RAP1GAP2: variants seen among roughly 807,000 people sequenced by gnomAD.
The protein encoded by RAP1GAP2 is RAP1 GTPase activating protein 2.
In RAP1GAP2, 27 loss-of-function variants were observed where a neutral mutation model predicts 95.0. The observed-to-expected ratio is 0.28, with a 90% CI of 0.21 to 0.39. The LOEUF is 0.39. RAP1GAP2 is among the 10% of genes least tolerant of loss of function. The pLI is 1.00. For synonymous variants in RAP1GAP2, 373 were observed against 380.9 expected (o/e 0.98, Z 0.24); for missense variants, 771 against 970.0 (o/e 0.79, Z 2.72).
In RAP1GAP2 at chr17:3,003,789, G is replaced by A. The variant is rs747452953; in HGVS notation, c.1201-1580G>A. 2.7e-4 allele frequency among the ~76,000 whole-genome samples: 41 copies of A among 152,304 alleles called. No homozygotes were observed. The highest frequency in any genetic ancestry group is 4.9e-4 in the Non-Finnish European group (33 of 68,032). ...TGACCCAGATGTCCCCAAGAGGGGG[G>A]AACAACAAAGGCCTGGCCGCCTGGT... On this transcript the variant is annotated intron_variant, in intron 14 of 24. Transcript: ENST00000254695. This position sits in a 1 kb window ranked among gnomAD's most constrained non-coding sequence, Gnocchi z 4.1.
chr17:2,830,929 C>T (rs2070801054), intron 2 of RAP1GAP2, among the ~76,000 whole-genome samples: 1 of 144,414 alleles, frequency 6.9e-6, no homozygotes, highest in South Asian at 2.3e-4. Context: ...CCTTTTCTTA[C>T]CTCCACTCCC....
In RAP1GAP2 at chr17:3,030,952, A is replaced by G. The variant is rs1055941723; in HGVS notation, c.2138A>G (p.Asn713Ser). ...DAKSRNSPRS[N>S]LKFRFDKLSH... ...AAAAGCAGAAACTCCCCGAGATCGA[A>G]CCTGAAATTCCGCTTTGACAAGCTC... is the stretch of plus-strand genomic sequence containing the variant. The change falls in exon 23 of 25, where the codon AAC (asparagine) becomes AGC (serine). Residue 713 changes from asparagine to serine, a missense_variant. Transcript: ENST00000254695. The G allele has an allele frequency of 1.9e-6, 3 of 1,611,398 alleles. No homozygotes were observed. The highest frequency in any genetic ancestry group is 1.7e-6 in the Non-Finnish European group (2 of 1,179,014).
At chr17:2,886,176 T>A (rs868150763) in intron 2 of RAP1GAP2, among the ~76,000 whole-genome samples, 7,580 of 141,498 alleles carry the variant, frequency 0.054, 290 homozygotes, top group African/African-American at 0.071. Context: ...TATATATTTT[T>A]TTTTTTTTTT....
intron 18 of RAP1GAP2, among the ~76,000 whole-genome samples, chr17:3,019,002 C>G (rs888478883): frequency 2.6e-5 from 4 of 152,156 alleles, no homozygotes; most frequent in African/African-American, 9.7e-5. Context: ...GTGGAACTTG[C>G]AGTGAGCCGA....
At chr17:2,832,206 AAAAAAAAAAG>A (rs1183364811) in intron 2 of RAP1GAP2, among the ~76,000 whole-genome samples, 1 of 148,710 alleles carries the variant, frequency 6.7e-6, no homozygotes, top group African/African-American at 2.5e-5. Flanking sequence ...TCTGTCTCCA[AAAAAAAAAAG>A]AAAACAAAAA....
intron 8 of RAP1GAP2, among the ~76,000 whole-genome samples, chr17:2,969,091 A>C (rs541939051): frequency 6.6e-6 from 1 of 152,176 alleles, no homozygotes; most frequent in East Asian, 1.9e-4. Flanking sequence ...AACACACATC[A>C]CTTGACATAT....
At chr17:3,013,941 GAGT>G (rs2046661850) in intron 17 of RAP1GAP2, among the ~76,000 whole-genome samples, 1 of 151,520 alleles carries the variant, frequency 6.6e-6, no homozygotes, top group Non-Finnish European at 1.5e-5. Flanking sequence ...TGTTACACAG[GAGT>G]TACTATTTCC....
intron 3 of RAP1GAP2, among the ~76,000 whole-genome samples, chr17:2,954,001 C>T (rs2151464085): frequency 6.6e-6 from 1 of 152,300 alleles, no homozygotes; most frequent in Admixed American, 6.5e-5. Context: ...TCCCCCATCC[C>T]CCTCAGCTTA....
At position 2,963,541 on chromosome 17, in the gene RAP1GAP2, T is replaced by C; in HGVS notation, c.279+79T>C. The C allele has an allele frequency of 1.3e-6, 2 of 1,575,370 alleles. No homozygotes were observed. Among genetic ancestry groups the C allele is most frequent in the African/African-American group, 2.7e-5 (2 of 74,282 alleles). On this transcript the variant is annotated intron_variant, in intron 6 of 24. Transcript: ENST00000254695. This position sits in a 1 kb window ranked among gnomAD's most constrained non-coding sequence, Gnocchi z 4.8. Reference sequence around the variant, plus strand: ...CCCTGGGGAAATGATGGCGATGGCCTGTGCCCAGCCCCCCAGGGGAGAGAA... The same window carrying C: ...CCCTGGGGAAATGATGGCGATGGCCCGTGCCCAGCCCCCCAGGGGAGAGAA...
chr17:2,798,131 A>G (rs1300316699), intron 1 of RAP1GAP2, among the ~76,000 whole-genome samples: 1 of 152,204 alleles, frequency 6.6e-6, no homozygotes, highest in Non-Finnish European at 1.5e-5. Flanking sequence ...CAGAATTCCA[A>G]GTTCTTCTCT....
intron 2 of RAP1GAP2, among the ~76,000 whole-genome samples, chr17:2,818,093 C>A (rs1389126591): frequency 6.6e-6 from 1 of 151,902 alleles, no homozygotes; most frequent in Non-Finnish European, 1.5e-5. Flanking sequence ...TCCTCGGCCT[C>A]CTAAAGTGCT....
At position 2,825,066 on chromosome 17, in the gene RAP1GAP2, G is replaced by T. The variant is rs1371739681; in HGVS notation, c.80+24516G>T. Among the ~76,000 whole-genome samples the T allele has an allele frequency of 6.6e-6, 1 of 152,134 alleles. No homozygotes were observed. Among genetic ancestry groups the T allele is most frequent in the Non-Finnish European group, 1.5e-5 (1 of 68,036 alleles). ...ACAAGCAATCTTCCTGCGTAGCTGG[G>T]ATGACAGGCATGTGCCACCACACCT... On this transcript the variant is annotated intron_variant, in intron 2 of 24. Transcript: ENST00000254695. The surrounding 1 kb of genome is among the most constrained non-coding windows in gnomAD (Gnocchi z 4.1).
rs986897531 is a variant in RAP1GAP2, at chr17:3,026,947, A to T, written c.1984A>T (p.Ser662Cys). 10 of 1,551,386 alleles carry T rather than the reference A, an allele frequency of 6.4e-6. No homozygotes were observed. The African/African-American group carries it at 8.2e-5, about 13-fold the overall frequency. The part of the protein sequence containing the change: ...EAMEEGDSGG[S>C]QPSTTSPFKQ... The stretch of plus-strand genomic sequence containing the variant: ...CTCACCCTGCCTCTCTCCTCAGGGC[A>T]GCCAGCCGTCCACGACCTCACCCTT... Residue 662 changes from serine (S) to cysteine (C), a missense_variant, in exon 22 of 25, where the codon AGC becomes TGC. Physicochemically the swap from Ser to Cys is moderately radical, Grantham distance 112. Transcript: ENST00000254695.
rs188803573 is a variant in RAP1GAP2 at position 2,991,962 on chromosome 17, C to T, written c.914+565C>T. Among the ~76,000 whole-genome samples the T allele has an allele frequency of 3.5e-3, 536 of 151,786 alleles. 2 individuals carry two copies. Among genetic ancestry groups the T allele is most frequent in the African/African-American group, 0.012 (497 of 41,392 alleles). On this transcript the variant is annotated intron_variant, in intron 12 of 24. Coordinates refer to ENST00000254695, the MANE Select transcript of RAP1GAP2 (RefSeq NM_015085.5). Reference sequence around the variant, plus strand: ...TTGTATTTGAGTAGAGACGGGGTTTCGCCATGTTGCCCAGGCTGGTCTTGA... The same window carrying T: ...TTGTATTTGAGTAGAGACGGGGTTTTGCCATGTTGCCCAGGCTGGTCTTGA...
At chr17:2,766,376 C>T (rs980105666) in intron 1 of RAP1GAP2, among the ~76,000 whole-genome samples, 1 of 152,090 alleles carries the variant, frequency 6.6e-6, no homozygotes, top group African/African-American at 2.4e-5. Context: ...CACTGGCTCA[C>T]GCCTGTAATC....
rs926092349 is a variant in RAP1GAP2 at position 2,902,968 on chromosome 17, G to A, written c.81-2316G>A. ...AGACAGCATGACTGTGTGTATGAGCGTCCAGTGACCGGTGATGTTAAAACC... is the reference window on the plus strand; with the variant it reads ...AGACAGCATGACTGTGTGTATGAGCATCCAGTGACCGGTGATGTTAAAACC... On this transcript the variant is annotated intron_variant, in intron 2 of 24. Transcript: ENST00000254695. This position sits in a 1 kb window ranked among gnomAD's most constrained non-coding sequence, Gnocchi z 4.1. Among the ~76,000 whole-genome samples, 2 of 152,172 alleles carry A rather than the reference G, an allele frequency of 1.3e-5. No homozygotes were observed. Among genetic ancestry groups the A allele is most frequent in the Non-Finnish European group, 2.9e-5 (2 of 68,036 alleles).
chr17:2,929,292 A>G (rs8078325), intron 3 of RAP1GAP2, among the ~76,000 whole-genome samples: 135,159 of 152,178 alleles, frequency 0.89, 60,184 homozygotes, highest in Non-Finnish European at 0.91. Flanking sequence ...TGTCTGCCTT[A>G]GGCTGCAAAG....
intron 2 of RAP1GAP2, among the ~76,000 whole-genome samples, chr17:2,877,081 G>A (rs2073127065): frequency 1.3e-5 from 2 of 151,874 alleles, no homozygotes; most frequent in South Asian, 4.2e-4. Flanking sequence ...TAGAGACGGG[G>A]TTTCTCCATG....
At chr17:2,912,801 G>A (rs1350840950) in intron 3 of RAP1GAP2, among the ~76,000 whole-genome samples, 1 of 152,176 alleles carries the variant, frequency 6.6e-6, no homozygotes, top group East Asian at 1.9e-4. Flanking sequence ...AGCCAAGGAA[G>A]TTCACATCTG....
Sources: allele counts gnomAD v4.1 joint callset (sites outside exome capture counted in the v4.1 genomes callset), GRCh38; gene constraint gnomAD v4.1.1; non-coding constraint Gnocchi (gnomAD v3.1); transcripts MANE v1.5; gene names NCBI Gene and HGNC (gene_info 2026-07-23, HGNC 2026-07-21).